The following PCOLCE2 variants were observed in gnomAD, a reference collection of about 807,000 sequenced individuals.
PCOLCE2 encodes the protein procollagen C-proteinase enhancer 2.
In PCOLCE2, 42 loss-of-function variants were observed where a neutral mutation model predicts 47.0. The observed-to-expected ratio is 0.89, with a 90% CI of 0.70 to 1.16. PCOLCE2 has a LOEUF of 1.16. PCOLCE2 is among the 50% of genes most tolerant of loss of function. The probability of loss-of-function intolerance (pLI) is 0.00; values close to 1 mark genes in which losing one functional copy is unlikely to be tolerated. For missense variants in PCOLCE2, 500 were observed against 526.1 expected, an observed-to-expected ratio of 0.95 and a Z score of 0.49; for synonymous variants, 169 against 191.7, an observed-to-expected ratio of 0.88 and a Z score of 0.98.
At chr3:142,831,035 A>C (rs1937146897) in intron 5 of PCOLCE2, among the ~76,000 whole-genome samples, 1 of 152,192 alleles carries the variant, frequency 6.6e-6, no homozygotes, top group African/African-American at 2.4e-5. Flanking sequence ...CCTGAATATA[A>C]CCTTCTGAGC....
intron 7 of PCOLCE2, among the ~76,000 whole-genome samples, chr3:142,821,538 C>A (rs1299255199): frequency 6.6e-6 from 1 of 152,092 alleles, no homozygotes; most frequent in Non-Finnish European, 1.5e-5. Context: ...TGTAGCTGTC[C>A]TTTCTTCCTG....
At chr3:142,841,730 T>G (rs979179605) in intron 4 of PCOLCE2, among the ~76,000 whole-genome samples, 4 of 152,188 alleles carry the variant, frequency 2.6e-5, no homozygotes, top group Non-Finnish European at 4.4e-5. Context: ...TAAATAATTT[T>G]CTATAAAAAA....
intron 7 of PCOLCE2, 105 bp downstream of exon 7, chr3:142,823,427 A>G: frequency 1.5e-6 from 1 of 674,906 alleles, no homozygotes; most frequent in Non-Finnish European, 2.6e-6. Context: ...ATAAATGAGC[A>G]GCGTTATTGA....
intron 2 of PCOLCE2, among the ~76,000 whole-genome samples, chr3:142,880,301 C>T (rs552926213): frequency 4.0e-5 from 6 of 151,106 alleles, no homozygotes; most frequent in South Asian, 2.1e-4. Context: ...CTAAATCCTA[C>T]GTGCAGTTTA....
rs2304735 is a variant in PCOLCE2, at chr3:142,820,985, G to A, written c.1010C>T (p.Ser337Leu). The A allele has an allele frequency of 2.0e-5, 33 of 1,613,864 alleles. 1 individual carries two copies. The highest frequency in any genetic ancestry group is 1.6e-4 in the Middle Eastern group (1 of 6,062). Residue 337 changes from serine (S) to leucine (L), a missense_variant, in exon 8 of 9, where the codon TCG becomes TTG. Physicochemically the swap from Ser to Leu is moderately radical, Grantham distance 145 (BLOSUM62 -2). Transcript: ENST00000295992. Reference protein sequence around the residue: ...TRDGSLHATVSIINIYKEGNL... With the variant: ...TRDGSLHATVLIINIYKEGNL... ...TCCCTCTTTGTAGATGTTGATGATC[G>A]AGACTGTGGCGTGCAAACTCCCATC...
intron 2 of PCOLCE2, among the ~76,000 whole-genome samples, chr3:142,876,704 T>C (rs1360784442): frequency 6.6e-6 from 1 of 152,166 alleles, no homozygotes; most frequent in African/African-American, 2.4e-5. Context: ...TACTAGGAGC[T>C]TTCTGGGCCT....
chr3:142,884,230 T>C (rs1933680606), intron 2 of PCOLCE2, among the ~76,000 whole-genome samples: 1 of 152,186 alleles, frequency 6.6e-6, no homozygotes, highest in African/African-American at 2.4e-5. Context: ...TGTCAACTTT[T>C]GGAGTTTCAT....
chr3:142,875,734 C>A (rs1361734876), intron 2 of PCOLCE2, among the ~76,000 whole-genome samples: 12 of 152,052 alleles, frequency 7.9e-5, no homozygotes. Flanking sequence ...AACTCTGCAC[C>A]ACAGTGCAGA....
intron 3 of PCOLCE2, among the ~76,000 whole-genome samples, chr3:142,846,031 G>A (rs1332127462): frequency 6.6e-6 from 1 of 152,140 alleles, no homozygotes; most frequent in Non-Finnish European, 1.5e-5. Flanking sequence ...GGAAATGGAA[G>A]CCATCATTCT....
intron 6 of PCOLCE2, chr3:142,827,008 C>T (rs549087251): frequency 1.0e-4 from 73 of 711,044 alleles, no homozygotes; most frequent in Non-Finnish European, 1.6e-4. Flanking sequence ...TAGGTCATCT[C>T]GTTCTTGATC....
intron 1 of PCOLCE2, among the ~76,000 whole-genome samples, chr3:142,888,428 C>T (rs1175801773): frequency 2.0e-5 from 3 of 152,188 alleles, no homozygotes; most frequent in South Asian, 2.1e-4. Context: ...CGTCTCTGGG[C>T]AAAGCCTCTC....
intron 2 of PCOLCE2, among the ~76,000 whole-genome samples, chr3:142,885,745 A>G (rs2707983): frequency 0.77 from 117,544 of 152,080 alleles, 45,623 homozygotes; most frequent in Middle Eastern, 0.8. Context: ...AACTCCCTAC[A>G]GTTCATCTTC....
At chr3:142,872,928 C>A (rs1933423025) in intron 2 of PCOLCE2, among the ~76,000 whole-genome samples, 1 of 152,128 alleles carries the variant, frequency 6.6e-6, no homozygotes, top group Non-Finnish European at 1.5e-5. Flanking sequence ...GATTTATGGT[C>A]TAAACGGAAA....
At chr3:142,879,365 CA>C (rs1933560271) in intron 2 of PCOLCE2, among the ~76,000 whole-genome samples, 1 of 151,970 alleles carries the variant, frequency 6.6e-6, no homozygotes, top group Admixed American at 6.6e-5. Context: ...ACAAGCAGTA[CA>C]AATAAGTATA....
intron 2 of PCOLCE2, among the ~76,000 whole-genome samples, chr3:142,850,809 G>A (rs1350761578): frequency 1.1e-5 from 1 of 90,204 alleles, no homozygotes; most frequent in African/African-American, 4.0e-5. Context: ...TAATATGGGG[G>A]TAAGGAAGGG....
chr3:142,848,530 C>T, intron 2 of PCOLCE2, 58 bp from the exon 3 acceptor site: 1 of 1,402,588 alleles, frequency 7.1e-7, no homozygotes, highest in South Asian at 1.3e-5. Context: ...GAGGCTTTGA[C>T]ATCTAGTCAC....
intron 4 of PCOLCE2, among the ~76,000 whole-genome samples, chr3:142,839,480 T>A (rs982683477): frequency 6.6e-6 from 1 of 152,118 alleles, no homozygotes; most frequent in African/African-American, 2.4e-5. Flanking sequence ...ACTCAGCTAA[T>A]TTTTGTATTT....
chr3:142,818,140 C>T lies in PCOLCE2; in HGVS notation c.*195G>A, dbSNP rs1936971390. On this transcript the variant is annotated 3_prime_UTR_variant, in exon 9 of 9. Transcript: ENST00000295992. ...GGTTTCCAATCAGATAGCTGCTCCT[C>T]TGACAGCAGGCAAAGAACTTCCCTC... is the stretch of plus-strand genomic sequence containing the variant. 2.0e-6 allele frequency: 1 copy of T among 491,742 alleles called. No individual in the cohort carries two copies. The highest frequency in any genetic ancestry group is 3.6e-6 in the Non-Finnish European group (1 of 277,736). The allele number at this position is 491,742 out of a possible 1,614,324, so 30.5% of individuals were successfully genotyped here.
intron 2 of PCOLCE2, among the ~76,000 whole-genome samples, chr3:142,858,464 T>C (rs1299781207): frequency 1.3e-5 from 2 of 152,388 alleles, no homozygotes; most frequent in East Asian, 3.9e-4. Context: ...ATTAATCAAC[T>C]ACCAGCTGCT....
Sources: allele counts gnomAD v4.1 joint callset (sites outside exome capture counted in the v4.1 genomes callset), GRCh38; gene constraint gnomAD v4.1.1; transcripts MANE v1.5; gene names NCBI Gene and HGNC (gene_info 2026-07-23, HGNC 2026-07-21).